Variants in CLCN4 observed in about 807,000 individuals in gnomAD.
The protein encoded by CLCN4 is Cl-/H+ antiporter 4, also known as H(+)/Cl(-) exchange transporter 4.
CLCN4 carries 1 observed loss-of-function variant against 41.7 expected under a neutral mutation model. The observed-to-expected ratio is 0.02, with a 90% confidence interval of 0.01 to 0.11. CLCN4 has a LOEUF of 0.11. CLCN4 is among the 10% of genes least tolerant of loss of function. The pLI, the probability that CLCN4 is intolerant of heterozygous loss-of-function variation, is 1.00. For missense variants in CLCN4, 287 were observed against 661.0 expected (o/e 0.43, Z 6.20); for synonymous variants, 277 against 285.8 (o/e 0.97, Z 0.31).
intron 6 of CLCN4, 80 bp downstream of exon 6, chrX:10,198,141 C>A: frequency 1.0e-6 from 1 of 993,014 alleles, no homozygotes; most frequent in Non-Finnish European, 1.4e-6. Flanking sequence ...AAGCACAGTT[C>A]CAAGCGTTTT....
chrX:10,164,422 C>T (rs751242678), intron 2 of CLCN4, among the ~76,000 whole-genome samples: 1 of 112,056 alleles, frequency 8.9e-6, no homozygotes, highest in South Asian at 3.7e-4. Flanking sequence ...CTGGATTGTC[C>T]TCAGTGTGAT....
chrX:10,175,545 C>T (rs1413540102), intron 2 of CLCN4, among the ~76,000 whole-genome samples: 1 of 111,542 alleles, frequency 9.0e-6, no homozygotes, highest in African/African-American at 3.3e-5. Flanking sequence ...GTCACTGGGG[C>T]TCCTGGAAAA....
chrX:10,175,475 C>A (rs1002627868), intron 2 of CLCN4, among the ~76,000 whole-genome samples: 1 of 111,835 alleles, frequency 8.9e-6, no homozygotes, highest in African/African-American at 3.3e-5. Flanking sequence ...CTGAGGCCAG[C>A]ACCTCTCGTA....
At chrX:10,195,170 A>T in intron 5 of CLCN4, 72 bp downstream of exon 5, 3 of 1,010,460 alleles carry the variant, frequency 3.0e-6, no homozygotes, top group Non-Finnish European at 4.1e-6. Flanking sequence ...CTGCTGGGAG[A>T]TTTGTGAATG....
intron 9 of CLCN4, 138 bp downstream of exon 9, chrX:10,208,728 C>T (rs1410749106): frequency 2.0e-6 from 1 of 489,034 alleles, no homozygotes; most frequent in Non-Finnish European, 3.4e-6. Context: ...AGGCACTTGA[C>T]ATTCCTTTAA....
At chrX:10,217,896 C>G (rs1924768775) in intron 11 of CLCN4, among the ~76,000 whole-genome samples, 1 of 111,013 alleles carries the variant, frequency 9.0e-6, no homozygotes, top group Non-Finnish European at 1.9e-5. Flanking sequence ...GCGCATGCCA[C>G]CAGGCGTGGC....
In CLCN4 at chrX:10,206,349, C is replaced by T. The variant is rs375805479; in HGVS notation, c.556-9C>T. The T allele has an allele frequency of 1.3e-5, 15 of 1,189,500 alleles. No individual in the cohort carries two copies. The African/African-American group carries it at 2.6e-4, about 21-fold the overall frequency. On this transcript the variant is annotated splice_polypyrimidine_tract_variant and intron_variant, in intron 6 of 12. Coordinates refer to ENST00000380833, the MANE Select transcript of CLCN4 (RefSeq NM_001830.4). ...TTCATTCCCTCTTGTTCTCCATCCT[C>T]TGTTTCAGATAAAGACCATTTTGAG...
At chrX:10,195,571 A>C (rs997468064) in intron 5 of CLCN4, among the ~76,000 whole-genome samples, 1 of 112,159 alleles carries the variant, frequency 8.9e-6, no homozygotes, top group African/African-American at 3.2e-5. Context: ...TCAGTTTTGC[A>C]GCCGTTACCA....
At chrX:10,210,104 G>C (rs940746002) in intron 9 of CLCN4, among the ~76,000 whole-genome samples, 3 of 111,272 alleles carry the variant, frequency 2.7e-5, no homozygotes, top group Non-Finnish European at 5.7e-5. Context: ...TGTGGCCTTT[G>C]GTGACTGGCT....
At chrX:10,194,852 T>A (rs1203920211) in intron 4 of CLCN4, 59 bp from the exon 5 acceptor site, 17 of 1,131,827 alleles carry the variant, frequency 1.5e-5, no homozygotes, top group Non-Finnish European at 2.1e-5. Context: ...GCCGTGTTGG[T>A]CTCATTCTTG....
At chrX:10,192,614 T>TTGGGTGTTCTCCCAAGAATAA (rs1252168455) in intron 4 of CLCN4, among the ~76,000 whole-genome samples, 9 of 111,113 alleles carry the variant, frequency 8.1e-5, no homozygotes, top group Admixed American at 3.8e-4. Context: ...TGTTGAGGAT[T>TTGGGTGTTCTCCCAAGAATAA]TGGGTGTTCT....
intron 9 of CLCN4, 42 bp from the exon 10 acceptor site, chrX:10,212,425 G>C (rs1229808674): frequency 8.6e-7 from 1 of 1,165,837 alleles, no homozygotes; most frequent in East Asian, 3.0e-5. Context: ...GCGGGGACTT[G>C]GTCTTTTTCC....
intron 1 of CLCN4, 33 bp downstream of exon 1, chrX:10,157,133 G>T: frequency 3.4e-6 from 1 of 296,219 alleles, no homozygotes; most frequent in South Asian, 2.0e-4. Context: ...AAACAAATTT[G>T]AGAGGAGTGA....
Position 10,158,531 on chromosome X carries a change from G to A in CLCN4, c.-32G>A, listed in dbSNP as rs1464750279. 1 of 296,983 alleles carries A rather than the reference G, an allele frequency of 3.4e-6. No individual in the cohort carries two copies. Among genetic ancestry groups the A allele is most frequent in the Non-Finnish European group, 5.9e-6 (1 of 169,488 alleles). The allele number at this position is 296,983 out of a possible 1,213,427, so 24.5% of individuals were successfully genotyped here. On this transcript the variant is annotated 5_prime_UTR_variant, in exon 2 of 13. Transcript: ENST00000380833. ...GGATGCTGTCCAGGTGGGCGGCCGC[G>A]GGCGCGATGCGGCACTGCAGGTAAG...
chrX:10,231,919 T>A (rs1925136376), intron 12 of CLCN4, among the ~76,000 whole-genome samples: 1 of 112,331 alleles, frequency 8.9e-6, no homozygotes, highest in Non-Finnish European at 1.9e-5. Flanking sequence ...ACATTGGGGG[T>A]TGCAAAGTAT....
intron 5 of CLCN4, among the ~76,000 whole-genome samples, chrX:10,197,494 C>CAAAA (rs1924127671): frequency 9.0e-6 from 1 of 111,257 alleles, no homozygotes; most frequent in African/African-American, 3.3e-5. Context: ...GACCCGTATT[C>CAAAA]ATTGGCAGTG....
chrX:10,196,453 A>T (rs941997774), intron 5 of CLCN4, among the ~76,000 whole-genome samples: 1 of 110,937 alleles, frequency 9.0e-6, no homozygotes, highest in Admixed American at 9.6e-5. Flanking sequence ...CAAGCTTCAC[A>T]TTAGGGGTAA....
At position 10,227,253 on chromosome X, in the gene CLCN4, C is replaced by G. The variant is rs141802157; in HGVS notation, c.2193-6241C>G. Among the ~76,000 whole-genome samples the G allele has an allele frequency of 6.4e-3, 708 of 111,306 alleles. 6 individuals are homozygous for G. Among genetic ancestry groups the G allele is most frequent in the African/African-American group, 0.022 (678 of 30,610 alleles). ...GGGTGCAAGGCTGGTTCAACATACA[C>G]AAATCAATAAACGTAATTCATCACA... On this transcript the variant is annotated intron_variant, in intron 12 of 12. Coordinates refer to ENST00000380833, the MANE Select transcript of CLCN4 (RefSeq NM_001830.4).
chrX:10,176,040 A>T (rs2147163045), intron 2 of CLCN4, among the ~76,000 whole-genome samples: 1 of 107,739 alleles, frequency 9.3e-6, no homozygotes, highest in South Asian at 4.1e-4. Context: ...TGAAATGTTG[A>T]TGGTGACATC....
Sources: allele counts gnomAD v4.1 joint callset (sites outside exome capture counted in the v4.1 genomes callset), GRCh38; gene constraint gnomAD v4.1.1; transcripts MANE v1.5; gene names NCBI Gene and HGNC (gene_info 2026-07-23, HGNC 2026-07-21).